VPS13A: variants seen among roughly 807,000 people sequenced by gnomAD.
VPS13A encodes intermembrane lipid transfer protein VPS13A.
A neutral mutation model predicts 390.9 loss-of-function variants in VPS13A; 264 were observed. That is an observed-to-expected ratio of 0.68 (90% confidence interval 0.61 to 0.75). The LOEUF is 0.75. VPS13A is among the 30% of genes least tolerant of loss of function. The pLI is 0.00. For missense variants in VPS13A, 3,409 were observed against 3,733.9 expected (o/e 0.91, Z 2.27); for synonymous variants, 1,231 against 1,227.1 (o/e 1.00, Z -0.07).
intron 67 of VPS13A, among the ~76,000 whole-genome samples, chr9:77,378,250 T>A (rs1232495387): frequency 7.2e-5 from 11 of 152,030 alleles, no homozygotes; most frequent in Admixed American, 1.3e-4. Flanking sequence ...AAAAAAAAAA[T>A]TTGGAGAATT....
rs17339033 is a variant in VPS13A, at chr9:77,314,838, T to G, written c.4412+174T>G. On this transcript the variant is annotated intron_variant, in intron 37 of 71. Transcript: ENST00000360280. ...CATTTAAAATGTCCTGGTTCTGTTA[T>G]GTACTATTCTTACTGGATAATTGAT... Among the ~76,000 whole-genome samples, 8,762 of 152,272 alleles carry G rather than the reference T, an allele frequency of 0.058. 371 individuals carry two copies. The highest frequency in any genetic ancestry group is 0.12 in the South Asian group (589 of 4,824).
At chr9:77,182,082 C>T (rs1824054508) in intron 1 of VPS13A, among the ~76,000 whole-genome samples, 1 of 152,058 alleles carries the variant, frequency 6.6e-6, no homozygotes, top group South Asian at 2.1e-4. Flanking sequence ...CTTTCTCCAG[C>T]AATTTTCTTT....
At chr9:77,276,321 T>A (rs7030802) in intron 26 of VPS13A, 100 bp downstream of exon 26, 2 of 1,117,130 alleles carry the variant, frequency 1.8e-6, no homozygotes, top group Non-Finnish European at 2.5e-6. Context: ...GTACATTTGC[T>A]GAAATATTCT....
intron 17 of VPS13A, among the ~76,000 whole-genome samples, chr9:77,231,478 G>A (rs1823829257): frequency 6.6e-6 from 1 of 151,932 alleles, no homozygotes. Context: ...CCATCCTTAT[G>A]GGTGTTTAGT....
intron 19 of VPS13A, among the ~76,000 whole-genome samples, chr9:77,244,498 C>A (rs920288042): frequency 1.2e-4 from 18 of 152,248 alleles, no homozygotes; most frequent in African/African-American, 4.1e-4. Context: ...CCTCGTTCTG[C>A]TGTGAAACCA....
chr9:77,227,607 C>G, intron 16 of VPS13A, 122 bp downstream of exon 16: 2 of 759,956 alleles, frequency 2.6e-6, no homozygotes, highest in Non-Finnish European at 4.3e-6. Context: ...CCAGCCTTAA[C>G]CTGGCCTCAA....
chr9:77,346,218 G>A (rs887600412), intron 52 of VPS13A, among the ~76,000 whole-genome samples: 24 of 151,934 alleles, frequency 1.6e-4, no homozygotes, highest in African/African-American at 5.8e-4. Flanking sequence ...TTTTGCAGGA[G>A]TAAGGTGGTA....
chr9:77,356,893 A>T (rs371198937), intron 55 of VPS13A, 26 bp downstream of exon 55: 5 of 1,612,168 alleles, frequency 3.1e-6, no homozygotes, highest in Non-Finnish European at 4.2e-6. Context: ...ACTGATGTGA[A>T]GTTTTAATTT....
intron 67 of VPS13A, among the ~76,000 whole-genome samples, chr9:77,371,494 TGGG>T (rs1832745284): frequency 6.6e-6 from 1 of 152,036 alleles, no homozygotes; most frequent in Admixed American, 6.6e-5. Context: ...AATGCATTCA[TGGG>T]GGCAGATCCT....
At chr9:77,339,269 C>T in intron 47 of VPS13A, 1 of 479,726 alleles carries the variant, frequency 2.1e-6, no homozygotes, top group Non-Finnish European at 3.7e-6. Context: ...TTAATCTTCA[C>T]AGTTTGTCCT....
chr9:77,177,589 G>A lies in VPS13A; in HGVS notation c.-116G>A. 1.1e-6 allele frequency: 1 copy of A among 940,466 alleles called. No homozygotes were observed. Among genetic ancestry groups the A allele is most frequent in the Non-Finnish European group, 1.7e-6 (1 of 604,864 alleles). 58.3% of individuals were successfully genotyped at this position (940,466 alleles called of 1,614,324 possible). On this transcript the variant is annotated 5_prime_UTR_variant, in exon 1 of 72. Coordinates refer to ENST00000360280, the MANE Select transcript of VPS13A (RefSeq NM_033305.3). ...TGCGCGTTGGGCCAGCGGGGGCGCC[G>A]CAGCTGAAGCCGCCCCGGAGCCGGT...
chr9:77,337,339 T>C lies in VPS13A; in HGVS notation c.6180T>C (p.Gly2060=), dbSNP rs928248189. 4.3e-6 allele frequency: 7 copies of C among 1,612,038 alleles called. No homozygotes were observed. The African/African-American group carries it at 9.3e-5, about 22-fold the overall frequency. Residue 2060 remains glycine, a synonymous_variant, in exon 47 of 72, where the codon GGT becomes GGC. Transcript: ENST00000360280. The stretch of plus-strand genomic sequence containing the variant: ...TTGAAGAGATTATAAAAAATGATGG[T>C]GCTCTTCTAAAGAAGAAATGTAGAT... The part of the protein sequence containing the change: ...IDFEEIIKND[G]ALLKKKCRSK...
chr9:77,281,937 A>G lies in VPS13A; in HGVS notation c.2964+11A>G, dbSNP rs760061474. 2.1e-5 allele frequency: 32 copies of G among 1,516,540 alleles called. No individual in the cohort carries two copies. Among genetic ancestry groups the G allele is most frequent in the Middle Eastern group, 1.7e-4 (1 of 5,792 alleles). The allele number at this position is 1,516,540 out of a possible 1,614,324, so 93.9% of individuals were successfully genotyped here. On this transcript the variant is annotated intron_variant, in intron 28 of 71. Coordinates refer to ENST00000360280, the MANE Select transcript of VPS13A (RefSeq NM_033305.3). ...TTACAATTGATTAAGGTATGAGTAG[A>G]TAATTTATTTTTTAATTATGTACTA...
intron 68 of VPS13A, chr9:77,384,471 T>A: frequency 6.8e-7 from 1 of 1,466,702 alleles, no homozygotes; most frequent in Non-Finnish European, 9.4e-7. Context: ...GCTGAAAAAA[T>A]CTGCTTTAAA....
chr9:77,381,893 T>G, intron 67 of VPS13A, 83 bp from the exon 68 acceptor site: 1 of 846,744 alleles, frequency 1.2e-6, no homozygotes, highest in African/African-American at 1.7e-5. Context: ...TGAAATAAGA[T>G]TGTTTTTAGT....
At chr9:77,397,850 A>G (rs1247333824) in intron 68 of VPS13A, among the ~76,000 whole-genome samples, 5 of 152,186 alleles carry the variant, frequency 3.3e-5, no homozygotes, top group African/African-American at 7.2e-5. Context: ...TTCTTTTAGT[A>G]ATTCTTAAAC....
rs1317025347 is a variant in VPS13A at position 77,421,173 on chromosome 9, A to G, written c.*5167A>G. ...TGCTTATTCTTTCTTTGATGAAAAT[A>G]CGGTCATTGATTATGATAATTTTAA... is the stretch of plus-strand genomic sequence containing the variant. On this transcript the variant is annotated 3_prime_UTR_variant, in exon 72 of 72. Transcript: ENST00000360280. The G allele has an allele frequency of 6.6e-6, 1 of 152,234 alleles. No individual in the cohort carries two copies. The highest frequency in any genetic ancestry group is 2.4e-5 in the African/African-American group (1 of 41,464). 9.4% of individuals were successfully genotyped at this position (152,234 alleles called of 1,614,324 possible). A position where few individuals can be genotyped will look rare whatever the true frequency, so the allele number is the denominator to read the frequency against.
intron 45 of VPS13A, among the ~76,000 whole-genome samples, chr9:77,323,557 A>G (rs1340903346): frequency 2.6e-5 from 4 of 152,154 alleles, no homozygotes; most frequent in Non-Finnish European, 5.9e-5. Context: ...TTTTAGAGAA[A>G]TAAAAAAATT....
At chr9:77,366,614 C>T in intron 60 of VPS13A, 113 bp from the exon 61 acceptor site, 7 of 924,544 alleles carry the variant, frequency 7.6e-6, no homozygotes, top group Non-Finnish European at 1.1e-5. Context: ...ATCCAGATAA[C>T]TTTGAAATCT....
Sources: allele counts gnomAD v4.1 joint callset (sites outside exome capture counted in the v4.1 genomes callset), GRCh38; gene constraint gnomAD v4.1.1; transcripts MANE v1.5; gene names NCBI Gene and HGNC (gene_info 2026-07-23, HGNC 2026-07-21).